FOXP2: variants seen among roughly 807,000 people sequenced by gnomAD.
FOXP2 encodes the protein forkhead box P2.
In FOXP2, 12 loss-of-function variants were observed where a neutral mutation model predicts 115.8. That is an observed-to-expected ratio of 0.10 (90% confidence interval 0.07 to 0.17). The LOEUF (loss-of-function observed/expected upper bound fraction) is 0.17, where lower values mean the gene tolerates loss of function less well. Among genes scored for constraint, FOXP2 ranks in the 10% least tolerant of loss-of-function variants. The pLI is 1.00. For synonymous variants in FOXP2, 328 were observed against 297.7 expected, an observed-to-expected ratio of 1.10 and a Z score of -1.05; for missense variants, 629 against 843.5, an observed-to-expected ratio of 0.75 and a Z score of 3.15.
intron 1 of FOXP2, among the ~76,000 whole-genome samples, chr7:114,190,175 T>C (rs1234775713): frequency 1.3e-5 from 2 of 152,222 alleles, no homozygotes; most frequent in Non-Finnish European, 2.9e-5. Flanking sequence ...ATAAATCAAC[T>C]TGACTGGGCC....
chr7:114,453,835 A>G (rs1584754462), intron 2 of FOXP2, among the ~76,000 whole-genome samples: 1 of 152,116 alleles, frequency 6.6e-6, no homozygotes, highest in Non-Finnish European at 1.5e-5. Flanking sequence ...CTGAAACTGG[A>G]TCCCTTCCTT....
At chr7:114,472,665 G>A (rs972050010) in intron 2 of FOXP2, among the ~76,000 whole-genome samples, 1 of 152,100 alleles carries the variant, frequency 6.6e-6, no homozygotes, top group South Asian at 2.1e-4. Flanking sequence ...TCTTTAAAAT[G>A]GGAGTTTGAA....
intron 14 of FOXP2, among the ~76,000 whole-genome samples, chr7:114,662,530 G>A (rs1585005759): frequency 6.6e-6 from 1 of 151,914 alleles, no homozygotes; most frequent in Admixed American, 6.6e-5. Flanking sequence ...AAGCTAAAAG[G>A]CTTTTTAAAA....
At chr7:114,444,986 G>A (rs1348332561) in intron 2 of FOXP2, among the ~76,000 whole-genome samples, 2 of 151,678 alleles carry the variant, frequency 1.3e-5, no homozygotes, top group Non-Finnish European at 2.9e-5. Context: ...AGAAAATAGT[G>A]TGTTCCTCTG....
chr7:114,229,119 T>C (rs1425529581), intron 1 of FOXP2, among the ~76,000 whole-genome samples: 2 of 151,422 alleles, frequency 1.3e-5, no homozygotes, highest in Admixed American at 1.3e-4. Context: ...ATCAACCAGA[T>C]AGACTTTAAG....
At chr7:114,680,347 G>A (rs984151432) in intron 16 of FOXP2, among the ~76,000 whole-genome samples, 2 of 152,102 alleles carry the variant, frequency 1.3e-5, no homozygotes, top group Admixed American at 6.5e-5. Flanking sequence ...CTGGATTCTG[G>A]TTTGCAGAAA....
At chr7:114,494,630 G>T (rs896273380) in intron 2 of FOXP2, among the ~76,000 whole-genome samples, 41 of 152,216 alleles carry the variant, frequency 2.7e-4, no homozygotes, top group Non-Finnish European at 2.5e-4. Flanking sequence ...ATATTTTATA[G>T]AATATCAGAA....
intron 1 of FOXP2, among the ~76,000 whole-genome samples, chr7:114,222,154 G>T (rs961847712): frequency 2.0e-5 from 3 of 152,100 alleles, no homozygotes; most frequent in African/African-American, 7.2e-5. Flanking sequence ...GATACTTTAT[G>T]TTCCTTTTTA....
At chr7:114,507,000 A>T (rs72603566) in intron 2 of FOXP2, among the ~76,000 whole-genome samples, 12,695 of 151,850 alleles carry the variant, frequency 0.084, 864 homozygotes, top group East Asian at 0.38. Context: ...GCTGTTAAGG[A>T]TAAAATATAA....
intron 2 of FOXP2, among the ~76,000 whole-genome samples, chr7:114,342,653 C>T (rs1439483934): frequency 2.6e-5 from 4 of 151,356 alleles, no homozygotes; most frequent in Non-Finnish European, 1.5e-5. Flanking sequence ...GTATTTGTTT[C>T]ACATCAAAGT....
intron 2 of FOXP2, among the ~76,000 whole-genome samples, chr7:114,295,538 C>T (rs759038241): frequency 2.3e-4 from 35 of 152,308 alleles, no homozygotes; most frequent in Non-Finnish European, 1.6e-4. Context: ...TGAATGTTTT[C>T]GTTTTTTTCC....
chr7:114,265,104 C>T (rs1795864364), intron 1 of FOXP2, among the ~76,000 whole-genome samples: 2 of 152,154 alleles, frequency 1.3e-5, no homozygotes, highest in Admixed American at 1.3e-4. Flanking sequence ...GCAATCATGC[C>T]TTTCCCAACA....
intron 2 of FOXP2, among the ~76,000 whole-genome samples, chr7:114,526,525 G>C (rs1197089055): frequency 6.7e-6 from 1 of 150,116 alleles, no homozygotes. Context: ...CCCTCAAACT[G>C]TAACTCTCTT....
upstream of FOXP2, among the ~76,000 whole-genome samples, chr7:114,412,879 T>A (rs762425178): frequency 6.6e-6 from 1 of 152,160 alleles, no homozygotes; most frequent in Non-Finnish European, 1.5e-5. Flanking sequence ...TTGTCCTTGT[T>A]GACCTCAGAA....
rs1181346217 is a variant in FOXP2 at position 114,534,665 on chromosome 7, T to C, written c.217T>C (p.Leu73=). 4 of 1,612,062 alleles carry C rather than the reference T, an allele frequency of 2.5e-6. No individual in the cohort carries two copies. The highest frequency in any genetic ancestry group is 1.1e-5 in the South Asian group (1 of 91,056). ...TCTTTTACAGCAGCAAACAAGTGGA[T>C]TGAAATCTCCTAAGAGCAGTGATAA... ...QLLLQQQTSG[L]KSPKSSDKQR... The change falls in exon 3 of 17, where the codon TTG becomes CTG. Residue 73 remains leucine (L), a synonymous_variant. Coordinates refer to ENST00000350908, the MANE Select transcript of FOXP2 (RefSeq NM_014491.4).
chr7:114,690,842 C>A lies in FOXP2; in HGVS notation c.*916C>A, dbSNP rs1808629198. On this transcript the variant is annotated 3_prime_UTR_variant, in exon 17 of 17. Coordinates refer to ENST00000350908, the MANE Select transcript of FOXP2 (RefSeq NM_014491.4). ...TGTAACTTCAATTAGTACAAAGGAA[C>A]CTTTTCCATGAACTACCTGCTGTTT... is the stretch of plus-strand genomic sequence containing the variant. The A allele has an allele frequency of 2.2e-6, 1 of 454,366 alleles. No individual in the cohort carries two copies. The allele number at this position is 454,366 out of a possible 1,614,324, so 28.1% of individuals were successfully genotyped here.
At chr7:114,178,001 T>A (rs1053887386) in intron 1 of FOXP2, among the ~76,000 whole-genome samples, 1 of 151,912 alleles carries the variant, frequency 6.6e-6, no homozygotes, top group Non-Finnish European at 1.5e-5. Flanking sequence ...ATTGCTAAAT[T>A]TTTCTCTAGT....
intron 1 of FOXP2, among the ~76,000 whole-genome samples, chr7:114,181,665 C>T (rs1793460207): frequency 6.6e-6 from 1 of 151,966 alleles, no homozygotes; most frequent in Non-Finnish European, 1.5e-5. Flanking sequence ...TTCACATGTC[C>T]AATTTTAAAG....
intron 2 of FOXP2, among the ~76,000 whole-genome samples, chr7:114,467,946 GC>G (rs1297600310): frequency 1.3e-5 from 2 of 151,444 alleles, no homozygotes; most frequent in South Asian, 2.1e-4. Flanking sequence ...CTCTTTTTTT[GC>G]CCATTCATTA....
Sources: gnomAD v4.1 joint callset for allele counts (sites outside exome capture counted in the v4.1 genomes callset) on GRCh38, gnomAD v4.1.1 for gene constraint, MANE v1.5 for transcripts, NCBI Gene and HGNC (gene_info 2026-07-23, HGNC 2026-07-21) for gene names.